MTHFD2L: variants seen among roughly 807,000 people sequenced by gnomAD.
The protein encoded by MTHFD2L is bifunctional methylenetetrahydrofolate dehydrogenase/cyclohydrolase 2, mitochondrial.
MTHFD2L carries 29 observed loss-of-function variants against 34.9 expected under a neutral mutation model. That is an observed-to-expected ratio of 0.83 (90% confidence interval 0.62 to 1.13). MTHFD2L has a LOEUF of 1.13. Among genes scored for constraint, MTHFD2L ranks in the 50% most tolerant of loss-of-function variants. The pLI, the probability that MTHFD2L is intolerant of heterozygous loss-of-function variation, is 0.00. For synonymous variants in MTHFD2L, 167 were observed against 155.7 expected, an observed-to-expected ratio of 1.07 and a Z score of -0.54; for missense variants, 481 against 446.5, an observed-to-expected ratio of 1.08 and a Z score of -0.70.
At chr4:74,177,340 A>G (rs183603922) in intron 3 of MTHFD2L, among the ~76,000 whole-genome samples, 93 of 152,094 alleles carry the variant, frequency 6.1e-4, no homozygotes, top group African/African-American at 2.1e-3. Context: ...CAATCTTCTT[A>G]TAGTTTGCAG....
intron 3 of MTHFD2L, among the ~76,000 whole-genome samples, chr4:74,192,634 C>T (rs1732755542): frequency 6.6e-6 from 1 of 152,150 alleles, no homozygotes; most frequent in African/African-American, 2.4e-5. Context: ...CTTCATGCCC[C>T]TTCCCAGACA....
At chr4:74,281,392 T>C (rs775587578) in intron 6 of MTHFD2L, 33 bp from the exon 7 acceptor site, 12 of 1,601,248 alleles carry the variant, frequency 7.5e-6, no homozygotes, top group East Asian at 2.3e-5. Flanking sequence ...ACCTTTGTTA[T>C]GCTGAAGGAC....
chr4:74,273,413 A>G (rs535780994), intron 6 of MTHFD2L, among the ~76,000 whole-genome samples: 1 of 152,266 alleles, frequency 6.6e-6, no homozygotes, highest in East Asian at 1.9e-4. Context: ...GAGATTAAGT[A>G]TTTCACTTTT....
chr4:74,193,014 T>A (rs954573890), intron 3 of MTHFD2L, among the ~76,000 whole-genome samples: 2 of 152,134 alleles, frequency 1.3e-5, no homozygotes, highest in African/African-American at 4.8e-5. Flanking sequence ...TTAAGAAACC[T>A]TTTCTTACAC....
At chr4:74,232,493 T>C (rs1740225768) in intron 6 of MTHFD2L, among the ~76,000 whole-genome samples, 1 of 152,112 alleles carries the variant, frequency 6.6e-6, no homozygotes, top group Non-Finnish European at 1.5e-5. Flanking sequence ...TCACAACCCA[T>C]GCCCAAAGCC....
At chr4:74,138,943 G>A (rs764005639) in intron 1 of MTHFD2L, among the ~76,000 whole-genome samples, 8 of 152,072 alleles carry the variant, frequency 5.3e-5, no homozygotes, top group Admixed American at 2.6e-4. Flanking sequence ...TTAGTGAGCC[G>A]TCTTTACTAC....
intron 3 of MTHFD2L, among the ~76,000 whole-genome samples, chr4:74,181,386 C>T (rs928694284): frequency 1.3e-5 from 2 of 152,098 alleles, no homozygotes. Flanking sequence ...TCATTTATTA[C>T]TCACAGCAAT....
chr4:74,235,125 A>T (rs769918561), intron 6 of MTHFD2L, among the ~76,000 whole-genome samples: 22 of 152,164 alleles, frequency 1.4e-4, no homozygotes, highest in Non-Finnish European at 2.6e-4. Context: ...ATATCATAAT[A>T]AATTAAGAAA....
At chr4:74,161,678 T>C (rs1725497865) in intron 1 of MTHFD2L, 1 of 152,222 alleles carries the variant, frequency 6.6e-6, no homozygotes. Flanking sequence ...TAATTTTAGA[T>C]CTTGTTAGTT....
At chr4:74,256,554 C>G (rs1469493747) in intron 6 of MTHFD2L, among the ~76,000 whole-genome samples, 1 of 152,196 alleles carries the variant, frequency 6.6e-6, no homozygotes, top group Non-Finnish European at 1.5e-5. Context: ...TTCAATCCAT[C>G]TTGAGTTAAT....
At chr4:74,252,185 T>C (rs1227615562) in intron 6 of MTHFD2L, among the ~76,000 whole-genome samples, 5 of 152,244 alleles carry the variant, frequency 3.3e-5, no homozygotes, top group African/African-American at 4.8e-5. Flanking sequence ...GCAAATTTTA[T>C]ACAGTTATGG....
intron 1 of MTHFD2L, among the ~76,000 whole-genome samples, chr4:74,130,796 T>C (rs187345917): frequency 2.0e-5 from 3 of 152,194 alleles, no homozygotes; most frequent in South Asian, 4.1e-4. Context: ...GGAGTCAAAT[T>C]GTCTCTATTT....
At chr4:74,279,062 A>G (rs1747078694) in intron 6 of MTHFD2L, among the ~76,000 whole-genome samples, 2 of 152,120 alleles carry the variant, frequency 1.3e-5, no homozygotes, top group African/African-American at 4.8e-5. Context: ...TGATGCTGTA[A>G]TTAAGAAATT....
chr4:74,149,661 T>C (rs1184154122), intron 1 of MTHFD2L, among the ~76,000 whole-genome samples: 6 of 152,212 alleles, frequency 3.9e-5, no homozygotes, highest in Non-Finnish European at 5.9e-5. Flanking sequence ...AAATTTGGGA[T>C]ATGAAAGAAG....
chr4:74,144,566 G>T (rs940400415), intron 1 of MTHFD2L, among the ~76,000 whole-genome samples: 1 of 152,138 alleles, frequency 6.6e-6, no homozygotes, highest in Non-Finnish European at 1.5e-5. Context: ...TATGTTTCTT[G>T]TGCTTGGCAT....
At chr4:74,150,039 G>A (rs773435095) in intron 1 of MTHFD2L, among the ~76,000 whole-genome samples, 11 of 152,098 alleles carry the variant, frequency 7.2e-5, no homozygotes, top group Non-Finnish European at 1.2e-4. Flanking sequence ...TGGAAGAAGA[G>A]TAAGAGAGGG....
intron 7 of MTHFD2L, among the ~76,000 whole-genome samples, chr4:74,297,820 A>G (rs1293518869): frequency 6.6e-6 from 1 of 152,108 alleles, no homozygotes; most frequent in Admixed American, 6.6e-5. Flanking sequence ...AGTATTTCAT[A>G]AATGTGTTGC....
rs1453716133 is a variant in MTHFD2L, at chr4:74,301,952, T to G, written c.*143T>G. The G allele has an allele frequency of 2.2e-6, 1 of 457,648 alleles. No individual in the cohort carries two copies. The highest frequency in any genetic ancestry group is 3.9e-6 in the Non-Finnish European group (1 of 256,332). The allele number at this position is 457,648 out of a possible 1,614,324, so 28.3% of individuals were successfully genotyped here. On this transcript the variant is annotated 3_prime_UTR_variant, in exon 8 of 8. Coordinates refer to ENST00000325278, the MANE Select transcript of MTHFD2L (RefSeq NM_001144978.3). ...GGTGAAATCATTGTGAATCAATTGA[T>G]TCACATAGTTTTATGCATTTCCTGC...
intron 1 of MTHFD2L, among the ~76,000 whole-genome samples, chr4:74,167,093 C>T (rs1343522886): frequency 1.3e-5 from 2 of 152,192 alleles, no homozygotes; most frequent in African/African-American, 2.4e-5. Flanking sequence ...GGCTCCAGGA[C>T]TACTCCTATA....
Sources: gnomAD v4.1 joint callset for allele counts (sites outside exome capture counted in the v4.1 genomes callset) on GRCh38, gnomAD v4.1.1 for gene constraint, MANE v1.5 for transcripts, NCBI Gene and HGNC (gene_info 2026-07-23, HGNC 2026-07-21) for gene names.